CDK6: variants seen among roughly 807,000 people sequenced by gnomAD.
The protein encoded by CDK6 is cyclin dependent kinase 6, also known as cyclin-dependent kinase 6.
Under a neutral mutation model 37.1 loss-of-function variants are expected in CDK6, and 6 were observed. The ratio of observed to expected loss-of-function variants is 0.16; its 90% CI spans 0.09 to 0.32. The LOEUF is 0.32. CDK6 is among the 10% of genes least tolerant of loss of function. The pLI, the probability that CDK6 is intolerant of heterozygous loss-of-function variation, is 1.00. For missense variants in CDK6, 224 were observed against 418.9 expected (o/e 0.53, Z 4.06); for synonymous variants, 160 against 161.3 (o/e 0.99, Z 0.06).
At chr7:92,725,374 C>G (rs1798487012) in intron 4 of CDK6, 1 of 956,546 alleles carries the variant, frequency 1.0e-6, no homozygotes, top group Non-Finnish European at 1.2e-6. Flanking sequence ...GTAACTGATT[C>G]CTGTCCAGTG....
At chr7:92,657,141 A>C (rs1271813347) in intron 5 of CDK6, among the ~76,000 whole-genome samples, 1 of 152,118 alleles carries the variant, frequency 6.6e-6, no homozygotes, top group East Asian at 1.9e-4. Flanking sequence ...TGTATAAAAT[A>C]GTGACTGTCT....
At chr7:92,757,633 AT>A (rs1180991533) in intron 3 of CDK6, among the ~76,000 whole-genome samples, 1 of 152,096 alleles carries the variant, frequency 6.6e-6, no homozygotes, top group Admixed American at 6.5e-5. Flanking sequence ...ATGTGTCTTT[AT>A]GGTAGAATGA....
intron 5 of CDK6, among the ~76,000 whole-genome samples, chr7:92,651,037 G>A (rs1796562164): frequency 6.6e-6 from 1 of 152,066 alleles, no homozygotes; most frequent in African/African-American, 2.4e-5. Flanking sequence ...CTACAGGCAT[G>A]CGCCACCACA....
In CDK6 at chr7:92,692,807, CA is replaced by C. The variant is rs531211533; in HGVS notation, c.538-21273del. On this transcript the variant is annotated intron_variant, in intron 4 of 7. Coordinates refer to ENST00000424848, the MANE Select transcript of CDK6 (RefSeq NM_001145306.2). ...TGTCTCAAAAATAAAAAACAAAAAACAAAAACAACTACCTTAGGAACACAAA... is the reference window on the plus strand; with the variant it reads ...TGTCTCAAAAATAAAAAACAAAAAACAAAACAACTACCTTAGGAACACAAA... 1.2e-4 allele frequency among the ~76,000 whole-genome samples: 18 copies of C among 152,102 alleles called. No individual in the cohort carries two copies. The South Asian group carries it at 3.7e-3, about 32-fold the overall frequency.
chr7:92,631,351 T>A (rs181216261), intron 5 of CDK6, among the ~76,000 whole-genome samples: 217 of 152,186 alleles, frequency 1.4e-3, no homozygotes, highest in South Asian at 6.9e-3. Flanking sequence ...CAGAATTTTT[T>A]AAAAAAATTA....
In CDK6 at chr7:92,606,370, G is replaced by A; in HGVS notation, c.*8770C>T. On this transcript the variant is annotated 3_prime_UTR_variant, in exon 8 of 8. Transcript: ENST00000424848. ...TGAATGTGGCTAGGTCAAGTTGGGAGTGGTGGCCAGGCCTAGACAGGCACA... is the reference window on the plus strand; with the variant it reads ...TGAATGTGGCTAGGTCAAGTTGGGAATGGTGGCCAGGCCTAGACAGGCACA... The A allele has an allele frequency of 4.3e-6, 1 of 233,372 alleles. No individual in the cohort carries two copies. 14.5% of individuals were successfully genotyped at this position (233,372 alleles called of 1,614,324 possible). A position where few individuals can be genotyped will look rare whatever the true frequency, so the allele number is the denominator to read the frequency against.
At chr7:92,619,886 GA>G (rs769602083) in intron 6 of CDK6, among the ~76,000 whole-genome samples, 85 of 151,848 alleles carry the variant, frequency 5.6e-4, no homozygotes, top group Non-Finnish European at 1.0e-3. Context: ...GAAGTAAAAA[GA>G]AAAAAACCAA....
chr7:92,754,718 C>T (rs1413988414), intron 3 of CDK6, among the ~76,000 whole-genome samples: 1 of 152,164 alleles, frequency 6.6e-6, no homozygotes, highest in Non-Finnish European at 1.5e-5. Flanking sequence ...TTTCTTTTCT[C>T]ATCTTGGATT....
At chr7:92,790,218 C>T (rs1419896951) in intron 2 of CDK6, among the ~76,000 whole-genome samples, 2 of 152,166 alleles carry the variant, frequency 1.3e-5, no homozygotes, top group Non-Finnish European at 2.9e-5. Context: ...TTTCTAAACC[C>T]AGAAGCCTTC....
chr7:92,622,199 CAGA>C (rs771308436), intron 6 of CDK6, among the ~76,000 whole-genome samples: 2 of 152,094 alleles, frequency 1.3e-5, no homozygotes, highest in African/African-American at 2.4e-5. Context: ...CATGCTTTGT[CAGA>C]AGAAGTGCCC....
At chr7:92,738,030 T>C (rs961014405) in intron 3 of CDK6, among the ~76,000 whole-genome samples, 2 of 152,196 alleles carry the variant, frequency 1.3e-5, no homozygotes, top group Admixed American at 6.5e-5. Context: ...GGGGACTCCA[T>C]AGAGGTGGGA....
chr7:92,754,243 A>T (rs1799258203), intron 3 of CDK6, among the ~76,000 whole-genome samples: 1 of 151,840 alleles, frequency 6.6e-6, no homozygotes, highest in African/African-American at 2.4e-5. Context: ...TAAAATCAGA[A>T]GATGATTATT....
At chr7:92,706,260 G>A (rs112191556) in intron 4 of CDK6, among the ~76,000 whole-genome samples, 1 of 152,180 alleles carries the variant, frequency 6.6e-6, no homozygotes, top group South Asian at 2.1e-4. Flanking sequence ...TTTGGCCAGC[G>A]TGGTGGCTCA....
intron 3 of CDK6, among the ~76,000 whole-genome samples, chr7:92,762,863 G>T (rs1455773348): frequency 1.3e-5 from 2 of 152,090 alleles, no homozygotes; most frequent in African/African-American, 4.8e-5. Context: ...GAGCCACCGC[G>T]CCCGGCCTAG....
At chr7:92,683,748 T>G (rs936993941) in intron 4 of CDK6, among the ~76,000 whole-genome samples, 2 of 152,168 alleles carry the variant, frequency 1.3e-5, no homozygotes, top group Admixed American at 1.3e-4. Flanking sequence ...CTTTAAGCTA[T>G]TAAAGGAAAG....
Position 92,710,752 on chromosome 7 carries a change from T to A in CDK6, c.537+14874A>T, listed in dbSNP as rs532490248. The stretch of plus-strand genomic sequence containing the variant: ...TCTTTTTGTTATGATCTGTTTCTAC[T>A]GCCATGGAACACCAGATGGAGAGGT... On this transcript the variant is annotated intron_variant, in intron 4 of 7. Coordinates refer to ENST00000424848, the MANE Select transcript of CDK6 (RefSeq NM_001145306.2). The A allele has an allele frequency of 1.0e-5, 10 of 985,296 alleles. No individual in the cohort carries two copies. The South Asian group carries it at 4.2e-4, about 42-fold the overall frequency. The allele number at this position is 985,296 out of a possible 1,614,324, so 61.0% of individuals were successfully genotyped here. A position where few individuals can be genotyped will look rare whatever the true frequency, so the allele number is the denominator to read the frequency against.
At chr7:92,732,047 C>T (rs1382291911) in intron 3 of CDK6, among the ~76,000 whole-genome samples, 2 of 152,256 alleles carry the variant, frequency 1.3e-5, no homozygotes, top group Non-Finnish European at 2.9e-5. Context: ...ATTCTATACA[C>T]ATTGTTTTGT....
Position 92,615,182 on chromosome 7 carries a change from G to T in CDK6, c.939C>A (p.His313Gln). 1 of 1,614,088 alleles carries T rather than the reference G, an allele frequency of 6.2e-7. No homozygotes were observed. Among genetic ancestry groups the T allele is most frequent in the Non-Finnish European group, 8.5e-7 (1 of 1,180,038 alleles). ...LERCKENLDS[H>Q]LPPSQNTSEL... is the part of the protein sequence containing the mutation. ...CCGAGGTGTTCTGGCTGGGCGGCAG[G>T]TGGGAATCCAGGTTTTCTTTGCACC... The change falls in exon 8 of 8, where the codon CAC becomes CAA. Residue 313 changes from histidine to glutamine, a missense_variant. His to Gln is a conservative substitution (Grantham distance 24). This residue lies in a region of CDK6 where 90 missense variants were observed against 136.2 expected (regional missense o/e 0.66). Transcript: ENST00000424848.
rs79992975 is a variant in CDK6 at position 92,795,088 on chromosome 7, T to A, written c.234-20257A>T. 2.9e-3 allele frequency among the ~76,000 whole-genome samples: 446 copies of A among 152,278 alleles called. 2 individuals carry two copies. Among genetic ancestry groups the A allele is most frequent in the African/African-American group, 0.01 (425 of 41,570 alleles). On this transcript the variant is annotated intron_variant, in intron 2 of 7. Coordinates refer to ENST00000424848, the MANE Select transcript of CDK6 (RefSeq NM_001145306.2). ...CTCATTATTTTCAAGTCACATGGGATAAGGCAATTATCCTTTTACTAAACA... is the reference window on the plus strand; with the variant it reads ...CTCATTATTTTCAAGTCACATGGGAAAAGGCAATTATCCTTTTACTAAACA...
Sources: gnomAD v4.1 joint callset for allele counts (sites outside exome capture counted in the v4.1 genomes callset) on GRCh38, gnomAD v4.1.1 for gene constraint, gnomAD v4.1.1 regional missense constraint, MANE v1.5 for transcripts, NCBI Gene and HGNC (gene_info 2026-07-23, HGNC 2026-07-21) for gene names.